The following HDAC9 variants were observed in gnomAD, a reference collection of about 807,000 sequenced individuals.
HDAC9 encodes MEF-2 interacting transcription repressor (MITR) protein.
Under a neutral mutation model 139.4 loss-of-function variants are expected in HDAC9, and 41 were observed. That is an observed-to-expected ratio of 0.29 (90% CI 0.23 to 0.38). The LOEUF is 0.38. HDAC9 is among the 10% of genes least tolerant of loss of function. The pLI is 1.00. For missense variants in HDAC9, 1,147 were observed against 1,297.0 expected (o/e 0.88, Z 1.78); for synonymous variants, 517 against 476.2 (o/e 1.09, Z -1.12).
chr7:18,232,148 T>G (rs555029076), intron 2 of HDAC9, among the ~76,000 whole-genome samples: 2 of 152,298 alleles, frequency 1.3e-5, no homozygotes, highest in Middle Eastern at 3.4e-3. Context: ...GAACTTACAC[T>G]GAAATAACTG....
rs139780639 is a variant in HDAC9, at chr7:18,635,230, G to A, written c.912+488G>A. ...AAACAACTCGTACAGGCCTCTCAGA[G>A]GAAGAACCTAGCGAGGTGGATTTTT... On this transcript the variant is annotated intron_variant, in intron 8 of 25. Coordinates refer to ENST00000686413, the MANE Select transcript of HDAC9 (RefSeq NM_178425.4). Among the ~76,000 whole-genome samples the A allele has an allele frequency of 4.6e-5, 7 of 151,864 alleles. No homozygotes were observed. The East Asian group carries it at 1.4e-3, about 30-fold the overall frequency.
At chr7:18,637,416 A>G (rs979296235) in intron 8 of HDAC9, among the ~76,000 whole-genome samples, 1 of 152,120 alleles carries the variant, frequency 6.6e-6, no homozygotes, top group Non-Finnish European at 1.5e-5. Context: ...TAAAGCCATA[A>G]CTTGGCACAA....
intron 25 of HDAC9, among the ~76,000 whole-genome samples, chr7:18,989,192 T>A: frequency 6.8e-6 from 1 of 147,408 alleles, no homozygotes; most frequent in East Asian, 1.9e-4. Context: ...GATTTTGCAG[T>A]GGCTGGTACC....
intron 17 of HDAC9, among the ~76,000 whole-genome samples, chr7:18,799,946 C>A (rs981982935): frequency 2.0e-5 from 3 of 152,108 alleles, no homozygotes; most frequent in African/African-American, 7.2e-5. Flanking sequence ...ACTCAGAGAT[C>A]CATACCTAGA....
chr7:18,279,040 G>C (rs918228133), intron 2 of HDAC9, among the ~76,000 whole-genome samples: 1 of 152,054 alleles, frequency 6.6e-6, no homozygotes, highest in African/African-American at 2.4e-5. Flanking sequence ...GAAAGATATC[G>C]GACCAATCTC....
chr7:18,924,854 C>G (rs1294315930), intron 22 of HDAC9, among the ~76,000 whole-genome samples: 1 of 152,100 alleles, frequency 6.6e-6, no homozygotes, highest in African/African-American at 2.4e-5. Flanking sequence ...TATGGCAAAT[C>G]AGTGCATAAG....
intron 2 of HDAC9, among the ~76,000 whole-genome samples, chr7:18,234,124 T>A (rs1437305702): frequency 6.6e-6 from 1 of 152,200 alleles, no homozygotes; most frequent in Non-Finnish European, 1.5e-5. Context: ...AAGCGAGAGC[T>A]TTCTCCCTTC....
At chr7:18,475,265 T>A (rs1490821236) in intron 1 of HDAC9, among the ~76,000 whole-genome samples, 4 of 152,242 alleles carry the variant, frequency 2.6e-5, no homozygotes, top group Admixed American at 2.6e-4. Context: ...CAAAGTGCCA[T>A]GTCACCAAAT....
chr7:18,852,165 T>C (rs987270085), intron 21 of HDAC9, among the ~76,000 whole-genome samples: 5 of 152,356 alleles, frequency 3.3e-5, no homozygotes, highest in Middle Eastern at 3.4e-3. Flanking sequence ...TTCTCCCATG[T>C]GCTTAACTGA....
chr7:18,695,960 C>G (rs923175964), intron 12 of HDAC9, among the ~76,000 whole-genome samples: 1 of 152,074 alleles, frequency 6.6e-6, no homozygotes, highest in African/African-American at 2.4e-5. Flanking sequence ...TTTTATGTAA[C>G]TATTTCACAT....
upstream of HDAC9, among the ~76,000 whole-genome samples, chr7:18,288,555 C>T (rs1797601001): frequency 6.6e-6 from 1 of 152,148 alleles, no homozygotes; most frequent in African/African-American, 2.4e-5. Flanking sequence ...CATCAGATGA[C>T]TTCCTCAATA....
At chr7:18,344,030 T>C (rs1463946321) in intron 1 of HDAC9, among the ~76,000 whole-genome samples, 2 of 151,874 alleles carry the variant, frequency 1.3e-5, no homozygotes, top group African/African-American at 4.8e-5. Context: ...TTCTTCTGTG[T>C]TGAGCAATTC....
At chr7:18,733,168 CAT>C (rs1205243100) in intron 13 of HDAC9, among the ~76,000 whole-genome samples, 5 of 142,554 alleles carry the variant, frequency 3.5e-5, no homozygotes, top group Admixed American at 1.4e-4. Flanking sequence ...CGTGTATACA[CAT>C]GTATATATGT....
At chr7:18,093,321 G>C in intron 1 of HDAC9, among the ~76,000 whole-genome samples, 1 of 152,134 alleles carries the variant, frequency 6.6e-6, no homozygotes, top group East Asian at 1.9e-4. Flanking sequence ...AAGTCTTGTA[G>C]TACACATCCC....
intron 21 of HDAC9, among the ~76,000 whole-genome samples, chr7:18,867,897 T>G (rs1318268469): frequency 2.0e-5 from 3 of 152,156 alleles, no homozygotes; most frequent in African/African-American, 7.2e-5. Context: ...TTCTTCAATT[T>G]TATTTCTTCA....
chr7:18,350,920 C>T, intron 1 of HDAC9, among the ~76,000 whole-genome samples: 1 of 148,250 alleles, frequency 6.7e-6, no homozygotes, highest in Admixed American at 6.6e-5. Flanking sequence ...AACCCAGCCG[C>T]TGGGTAGCTG....
exon 1 of HDAC9, chr7:18,290,470 G>A (rs558735649): frequency 1.8e-5 from 8 of 456,516 alleles, no homozygotes; most frequent in Middle Eastern, 3.3e-4. Flanking sequence ...GCTAGTTTGC[G>A]AAACCACAGC....
intron 21 of HDAC9, among the ~76,000 whole-genome samples, chr7:18,873,119 T>C (rs1197243727): frequency 1.3e-5 from 2 of 152,198 alleles, no homozygotes; most frequent in African/African-American, 4.8e-5. Context: ...ACAACCATAA[T>C]GTAAGGTTTG....
At chr7:18,893,033 GAAAAAAAAAAAAAA>G (rs71960483) in intron 22 of HDAC9, among the ~76,000 whole-genome samples, 1 of 66,890 alleles carries the variant, frequency 1.5e-5, no homozygotes, top group Non-Finnish European at 2.7e-5. Flanking sequence ...GTAATAGGCC[GAAAAAAAAAAAAAA>G]AAAAAAAGAA....
Sources: allele counts gnomAD v4.1 joint callset (sites outside exome capture counted in the v4.1 genomes callset), GRCh38; gene constraint gnomAD v4.1.1; transcripts MANE v1.5; gene names NCBI Gene and HGNC (gene_info 2026-07-23, HGNC 2026-07-21).